The following PPEF1 variants were observed in gnomAD, a reference collection of about 807,000 sequenced individuals.
The protein encoded by PPEF1 is protein phosphatase with EF-hand domain 1, also known as serine/threonine-protein phosphatase with EF-hands 1.
PPEF1 carries 12 observed loss-of-function variants against 53.3 expected under a neutral mutation model. The observed-to-expected ratio is 0.23, with a 90% CI of 0.14 to 0.36. The LOEUF is 0.36. Ranked by LOEUF, PPEF1 falls within the 10% of genes least tolerant of loss-of-function variation. The pLI is 1.00. For missense variants in PPEF1, 334 were observed against 490.4 expected, an observed-to-expected ratio of 0.68 and a Z score of 3.01; for synonymous variants, 165 against 176.7, an observed-to-expected ratio of 0.93 and a Z score of 0.52.
At chrX:18,698,224 AGGCTGACCATAAGACCCCTTT>A (rs1402045700) in intron 5 of PPEF1, among the ~76,000 whole-genome samples, 1 of 112,356 alleles carries the variant, frequency 8.9e-6, no homozygotes, top group Non-Finnish European at 1.9e-5. Context: ...TAACAGTTGG[AGGCTGACCATAAGACCCCTTT>A]GGTGCTCACA....
intron 6 of PPEF1, among the ~76,000 whole-genome samples, chrX:18,762,017 C>G (rs1191829328): frequency 9.0e-6 from 1 of 111,719 alleles, no homozygotes; most frequent in African/African-American, 3.3e-5. Flanking sequence ...AGCATGCTCT[C>G]TTTTCTCCCC....
chrX:18,675,244 C>T (rs751604786), upstream of PPEF1, among the ~76,000 whole-genome samples: 407 of 113,525 alleles, frequency 3.6e-3, 2 homozygotes, highest in African/African-American at 0.012. Context: ...TCAATCGAGG[C>T]GCCGGCGGGG....
At chrX:18,792,079 G>A (rs1002514143) in intron 10 of PPEF1, among the ~76,000 whole-genome samples, 4 of 111,918 alleles carry the variant, frequency 3.6e-5, no homozygotes, top group Admixed American at 1.9e-4. Context: ...GTTTCCATTT[G>A]GTAATATTTT....
chrX:18,806,166 G>A (rs140856316), intron 11 of PPEF1, among the ~76,000 whole-genome samples: 2,713 of 111,545 alleles, frequency 0.024, 80 homozygotes, highest in African/African-American at 0.083. Flanking sequence ...AGAATGCAGG[G>A]CCATGCGCTG....
Position 18,692,263 on chromosome X carries a change from C to T in PPEF1, c.-313+1169C>T, listed in dbSNP as rs988657770. Among the ~76,000 whole-genome samples the T allele has an allele frequency of 1.1e-4, 12 of 111,850 alleles. No individual in the cohort carries two copies. The South Asian group carries it at 1.1e-3, about 10-fold the overall frequency. ...TCACGATTTTTCTCCACCATAAACT[C>T]GCTTGTCCCCCTTCATGTCCGACTC... On this transcript the variant is annotated intron_variant, in intron 4 of 21. Coordinates refer to the PPEF1 transcript ENST00000361511.
intron 12 of PPEF1, among the ~76,000 whole-genome samples, chrX:18,813,004 T>G (rs1269716657): frequency 9.0e-6 from 1 of 111,687 alleles, no homozygotes; most frequent in Non-Finnish European, 1.9e-5. Flanking sequence ...CTTCCCAAAG[T>G]GCTGGGATTA....
At chrX:18,761,419 A>G (rs1981400554) in intron 5 of PPEF1, 111 bp from the exon 6 acceptor site, 5 of 664,881 alleles carry the variant, frequency 7.5e-6, no homozygotes, top group Non-Finnish European at 1.2e-5. Context: ...GTCATAGGAT[A>G]AAAACCCAAT....
intron 6 of PPEF1, among the ~76,000 whole-genome samples, chrX:18,774,455 G>T (rs1298250283): frequency 8.9e-6 from 1 of 112,106 alleles, no homozygotes; most frequent in Admixed American, 9.5e-5. Flanking sequence ...CCTCAGTGGG[G>T]CATGTGGATG....
In PPEF1 at chrX:18,805,852, A is replaced by G. The variant is rs899734661; in HGVS notation, c.1252-551A>G. 4.3e-4 allele frequency among the ~76,000 whole-genome samples: 46 copies of G among 107,602 alleles called. 1 individual carries two copies. Among genetic ancestry groups the G allele is most frequent in the African/African-American group, 1.5e-3 (45 of 29,485 alleles). The allele number at this position is 107,602 out of a possible 115,157, so 93.4% of individuals were successfully genotyped here. ...GCGAGACTCCATCTTAAAAAAAAAA[A>G]AAAAAAAATTGTCCTCCCATATTCT... On this transcript the variant is annotated intron_variant, in intron 11 of 15. Transcript: ENST00000470157.
In PPEF1 at chrX:18,761,517, A is replaced by T. The variant is rs771189235; in HGVS notation, c.512-13A>T. The T allele has an allele frequency of 7.5e-6, 9 of 1,202,161 alleles. No individual in the cohort carries two copies. The South Asian group carries it at 1.1e-4, about 14-fold the overall frequency. ...GTTCTCTACTGAATACTGATTTTTC[A>T]TTTGCACTGCAGGTGATTTGCATGG... is the stretch of plus-strand genomic sequence containing the variant. On this transcript the variant is annotated splice_polypyrimidine_tract_variant and intron_variant, in intron 5 of 15. Transcript: ENST00000470157.
chrX:18,824,479 G>A (rs2047127053), intron 14 of PPEF1, among the ~76,000 whole-genome samples: 2 of 111,118 alleles, frequency 1.8e-5, no homozygotes. Flanking sequence ...CTAATAGATG[G>A]AGTGGCAGTC....
intron 10 of PPEF1, among the ~76,000 whole-genome samples, chrX:18,799,165 G>A (rs1028648573): frequency 2.8e-5 from 3 of 109,011 alleles, no homozygotes; most frequent in Middle Eastern, 4.7e-3. Flanking sequence ...CCTGGGAGGC[G>A]GGGGTTGCAG....
At chrX:18,675,155 C>T (rs780644662), upstream of PPEF1, among the ~76,000 whole-genome samples, 11 of 113,183 alleles carry the variant, frequency 9.7e-5, no homozygotes, top group Middle Eastern at 0.023. Flanking sequence ...CCGCCACAGT[C>T]GCGGCCCCTG....
At chrX:18,749,281 A>T (rs11797737) in intron 3 of PPEF1, among the ~76,000 whole-genome samples, 55,033 of 111,227 alleles carry the variant, frequency 0.49, 10,165 homozygotes, top group Non-Finnish European at 0.56. Flanking sequence ...TTTATTTTTA[A>T]GTAAAGAGAA....
At chrX:18,788,600 CACAA>C (rs756292078) in intron 9 of PPEF1, among the ~76,000 whole-genome samples, 55 of 111,441 alleles carry the variant, frequency 4.9e-4, no homozygotes, top group African/African-American at 1.8e-3. Context: ...GGCTGAGAAC[CACAA>C]TGCATTTAGG....
intron 6 of PPEF1, among the ~76,000 whole-genome samples, chrX:18,767,390 C>G (rs1187376457): frequency 9.0e-6 from 1 of 111,147 alleles, no homozygotes; most frequent in Admixed American, 9.6e-5. Context: ...ACTAAAAATA[C>G]AAAAATTAGC....
chrX:18,775,456 C>T (rs780360892), intron 6 of PPEF1, among the ~76,000 whole-genome samples: 2 of 111,379 alleles, frequency 1.8e-5, no homozygotes, highest in African/African-American at 3.3e-5. Context: ...AACTCCTGAC[C>T]TCAAGTGATC....
intron 1 of PPEF1, among the ~76,000 whole-genome samples, chrX:18,723,117 T>C (rs1473832550): frequency 1.8e-5 from 2 of 110,523 alleles, no homozygotes; most frequent in East Asian, 5.7e-4. Flanking sequence ...CCCAAGTAGC[T>C]GGGATTACAG....
upstream of PPEF1, among the ~76,000 whole-genome samples, chrX:18,679,167 G>A (rs192455470): frequency 7.6e-4 from 85 of 112,304 alleles, no homozygotes; most frequent in South Asian, 2.2e-3. Context: ...TCCACCTCCT[G>A]GGTTCAAACA....
Sources: allele counts gnomAD v4.1 joint callset (sites outside exome capture counted in the v4.1 genomes callset), GRCh38; gene constraint gnomAD v4.1.1; transcripts MANE v1.5; gene names NCBI Gene and HGNC (gene_info 2026-07-23, HGNC 2026-07-21).